Variants in PODXL2 observed in about 807,000 individuals in gnomAD.
The protein encoded by PODXL2 is podocalyxin like 2.
Under a neutral mutation model 53.4 loss-of-function variants are expected in PODXL2, and 17 were observed. That is an observed-to-expected ratio of 0.32 (90% CI 0.22 to 0.48). The LOEUF (loss-of-function observed/expected upper bound fraction) is 0.48. Ranked by LOEUF, PODXL2 falls within the 20% of genes least tolerant of loss-of-function variation. The pLI is 0.99. For synonymous variants in PODXL2, 311 were observed against 306.7 expected (o/e 1.01, Z -0.15); for missense variants, 673 against 760.0 (o/e 0.89, Z 1.35).
At chr3:127,660,020 ATCT>A (rs2074753904) in intron 2 of PODXL2, among the ~76,000 whole-genome samples, 2 of 152,330 alleles carry the variant, frequency 1.3e-5, no homozygotes, top group South Asian at 2.1e-4. Flanking sequence ...TTGTTGTGGG[ATCT>A]TCTTGGTGAA....
At chr3:127,658,668 C>T (rs1441935371) in intron 2 of PODXL2, among the ~76,000 whole-genome samples, 1 of 152,012 alleles carries the variant, frequency 6.6e-6, no homozygotes, top group African/African-American at 2.4e-5. Flanking sequence ...GTTTCTTGTT[C>T]CTTTACAGAT....
At chr3:127,638,726 AAAAT>A (rs946109906) in intron 1 of PODXL2, among the ~76,000 whole-genome samples, 1 of 152,210 alleles carries the variant, frequency 6.6e-6, no homozygotes, top group African/African-American at 2.4e-5. Context: ...AAAAAAATAA[AAAAT>A]AAAAAAACTA....
At chr3:127,659,893 G>A (rs192020141) in intron 2 of PODXL2, among the ~76,000 whole-genome samples, 1 of 152,288 alleles carries the variant, frequency 6.6e-6, no homozygotes, top group Admixed American at 6.5e-5. Context: ...GGTCATAATT[G>A]AGGGGTCTCA....
rs747169758 is a variant in PODXL2 at position 127,669,143 on chromosome 3, G to A, written c.1366G>A (p.Val456Met). 3.0e-5 allele frequency: 48 copies of A among 1,604,106 alleles called. No individual in the cohort carries two copies. The highest frequency in any genetic ancestry group is 1.7e-4 in the Middle Eastern group (1 of 6,048). ...LLMTLVGEQGVVPTQDVLSML... is the reference protein window; with the variant it reads ...LLMTLVGEQGMVPTQDVLSML... ...TAGTGGTGTTTCTTACCCCCCAGGG[G>A]TGGTGCCCACTCAAGATGTCCTTTC... The change falls in exon 6 of 8, where the codon GTG (valine) becomes ATG (methionine). Residue 456 changes from valine to methionine, a missense_variant and splice_region_variant. Physicochemically the swap from Val to Met is conservative, Grantham distance 21 (BLOSUM62 1). This residue lies in a region of PODXL2 where 588 missense variants were observed against 668.3 expected (regional missense o/e 0.88). Transcript: ENST00000342480.
At chr3:127,671,786 C>T (rs1194030714) in intron 7 of PODXL2, among the ~76,000 whole-genome samples, 173 bp downstream of exon 7, 6 of 152,226 alleles carry the variant, frequency 3.9e-5, no homozygotes, top group Non-Finnish European at 7.3e-5. Context: ...AGCCCCAGGA[C>T]AGGTGCCAGA....
rs1478471670 is a variant in PODXL2, at chr3:127,629,195, G to A, written c.-25G>A. 1.0e-6 allele frequency: 1 copy of A among 982,544 alleles called. No homozygotes were observed. The highest frequency in any genetic ancestry group is 6.3e-5 in the Admixed American group (1 of 15,872). 60.9% of individuals were successfully genotyped at this position (982,544 alleles called of 1,614,324 possible). On this transcript the variant is annotated 5_prime_UTR_variant, in exon 1 of 8. Coordinates refer to ENST00000342480, the MANE Select transcript of PODXL2 (RefSeq NM_015720.4). The surrounding 1 kb of genome is among the most constrained non-coding windows in gnomAD (Gnocchi z 6.4). ...GCGGGCCCGGGCGCCGCGCCGCTGC[G>A]GCTGCAGGCGGCGACGGCTACACCA...
At chr3:127,646,784 C>G (rs942307017) in intron 2 of PODXL2, among the ~76,000 whole-genome samples, 2 of 152,148 alleles carry the variant, frequency 1.3e-5, no homozygotes, top group African/African-American at 2.4e-5. Flanking sequence ...GTGAGCTGGG[C>G]CAAGGGAGGT....
At chr3:127,669,779 C>T (rs1207491422) in intron 6 of PODXL2, among the ~76,000 whole-genome samples, 2 of 152,240 alleles carry the variant, frequency 1.3e-5, no homozygotes, top group African/African-American at 4.8e-5. Flanking sequence ...TGCTGGCTGC[C>T]TGGCCCATCC....
At chr3:127,633,420 C>G (rs2074559356) in intron 1 of PODXL2, among the ~76,000 whole-genome samples, 1 of 151,962 alleles carries the variant, frequency 6.6e-6, no homozygotes, top group African/African-American at 2.4e-5. Flanking sequence ...ACCTTAATCC[C>G]ACTAGGCCTC....
At position 127,672,616 on chromosome 3, in the gene PODXL2, C is replaced by A; in HGVS notation, c.*136C>A. On this transcript the variant is annotated 3_prime_UTR_variant, in exon 8 of 8. Transcript: ENST00000342480. Reference sequence around the variant, plus strand: ...GCCTGGCCCTCGGCGCGGGCTCCTTCCCGCTTCCCCCGACTTCACACGGCG... The same window carrying A: ...GCCTGGCCCTCGGCGCGGGCTCCTTACCGCTTCCCCCGACTTCACACGGCG... 1 of 540,298 alleles carries A rather than the reference C, an allele frequency of 1.9e-6. No individual in the cohort carries two copies. Among genetic ancestry groups the A allele is most frequent in the Non-Finnish European group, 3.1e-6 (1 of 324,780 alleles). 33.5% of individuals were successfully genotyped at this position (540,298 alleles called of 1,614,324 possible). A position where few individuals can be genotyped will look rare whatever the true frequency, so the allele number is the denominator to read the frequency against.
In PODXL2 at chr3:127,671,682, C is replaced by A. The variant is rs41266485; in HGVS notation, c.1605+69C>A. 15 of 1,459,078 alleles carry A rather than the reference C, an allele frequency of 1.0e-5. No homozygotes were observed. In the African/African-American group the frequency reaches 1.9e-4, roughly 19 times the overall value. The allele number at this position is 1,459,078 out of a possible 1,614,324, so 90.4% of individuals were successfully genotyped here. A position where few individuals can be genotyped will look rare whatever the true frequency, so the allele number is the denominator to read the frequency against. ...AGTGCCCATCGATAGGTGTCCTCAT[C>A]TGCAAGGGGAGGCAGTGACTCTCCT... is the stretch of plus-strand genomic sequence containing the variant. On this transcript the variant is annotated intron_variant, in intron 7 of 7. Transcript: ENST00000342480.
intron 4 of PODXL2, 85 bp downstream of exon 4, chr3:127,662,396 G>T (rs978139451): frequency 1.2e-5 from 12 of 1,026,582 alleles, no homozygotes; most frequent in Non-Finnish European, 1.8e-5. Flanking sequence ...GGGGGGACAA[G>T]CAGTGCGTGG....
Position 127,660,535 on chromosome 3 carries a change from AGAG to A in PODXL2, c.514_516del (p.Glu172del). 6.2e-7 allele frequency: 1 copy of A among 1,613,318 alleles called. No homozygotes were observed. The highest frequency in any genetic ancestry group is 8.5e-7 in the Non-Finnish European group (1 of 1,179,644). Reference sequence around the variant, plus strand: ...GAGAGGAGGAAGAAGAGGAAGAGGAAGAGGAGGAGAGGGAGAAGGAAGAGGTAG... The same window carrying A: ...GAGAGGAGGAAGAAGAGGAAGAGGAAGAGGAGAGGGAGAAGGAAGAGGTAG... On this transcript the variant is annotated inframe_deletion, in exon 3 of 8. Transcript: ENST00000342480.
chr3:127,660,357 A>G, intron 2 of PODXL2, 21 bp from the exon 3 acceptor site: 1 of 1,599,566 alleles, frequency 6.3e-7, no homozygotes, highest in South Asian at 1.1e-5. Flanking sequence ...AAGTGAATGA[A>G]CTTTTCATCT....
In PODXL2 at chr3:127,672,258, C is replaced by A; in HGVS notation, c.1606-10C>A. On this transcript the variant is annotated splice_polypyrimidine_tract_variant and intron_variant, in intron 7 of 7. Coordinates refer to ENST00000342480, the MANE Select transcript of PODXL2 (RefSeq NM_015720.4). ...TCGCTCGCCCATGGCCTCTCCCCAC[C>A]CCGCCTCAGTCGCACGGCGAGGAGC... 1 of 1,541,228 alleles carries A rather than the reference C, an allele frequency of 6.5e-7. No individual in the cohort carries two copies.
intron 1 of PODXL2, among the ~76,000 whole-genome samples, chr3:127,631,395 G>A (rs2107701749): frequency 6.6e-6 from 1 of 152,212 alleles, no homozygotes; most frequent in East Asian, 1.9e-4. Flanking sequence ...AAAACATGAG[G>A]ATCGCTGGGG....
chr3:127,642,749 T>G (rs1306763503), intron 2 of PODXL2, among the ~76,000 whole-genome samples: 1 of 152,200 alleles, frequency 6.6e-6, no homozygotes, highest in Non-Finnish European at 1.5e-5. Context: ...AGAATATACA[T>G]ATACACAAAA....
chr3:127,639,517 A>ACTGCAGGTAG lies in PODXL2; in HGVS notation c.346_349+6dup. 1 of 1,611,324 alleles carries ACTGCAGGTAG rather than the reference A, an allele frequency of 6.2e-7. No individual in the cohort carries two copies. Among genetic ancestry groups the ACTGCAGGTAG allele is most frequent in the African/African-American group, 1.3e-5 (1 of 74,950 alleles). ...TGACTCAAGTCTGGACCTGGGACCC[A>ACTGCAGGTAG]CTGCAGGTAGCTCTTCTTACCTACA... On this transcript the variant is annotated frameshift_variant, in exon 2 of 8. Transcript: ENST00000342480. LOFTEE classifies it high-confidence loss of function.
chr3:127,667,003 G>A (rs2074797980), intron 4 of PODXL2, among the ~76,000 whole-genome samples: 1 of 152,240 alleles, frequency 6.6e-6, no homozygotes, highest in Non-Finnish European at 1.5e-5. Context: ...TGCTCTGGCA[G>A]GGGCGGGCAT....
Sources: allele counts gnomAD v4.1 joint callset (sites outside exome capture counted in the v4.1 genomes callset), GRCh38; gene constraint gnomAD v4.1.1; regional missense constraint gnomAD v4.1.1; non-coding constraint Gnocchi (gnomAD v3.1); transcripts MANE v1.5; gene names NCBI Gene and HGNC (gene_info 2026-07-23, HGNC 2026-07-21).